WWOX: variants seen among roughly 807,000 people sequenced by gnomAD.
The protein encoded by WWOX is WW domain containing oxidoreductase.
Under a neutral mutation model 46.2 loss-of-function variants are expected in WWOX, and 69 were observed. The ratio of observed to expected loss-of-function variants is 1.49; its 90% CI spans 1.23 to 1.82. The LOEUF is 1.82. Ranked by LOEUF, WWOX falls within the 40% of genes most tolerant of loss-of-function variation. The pLI is 0.00. For synonymous variants in WWOX, 359 were observed against 202.6 expected, an observed-to-expected ratio of 1.77 and a Z score of -6.56; for missense variants, 919 against 542.6, an observed-to-expected ratio of 1.69 and a Z score of -6.89.
intron 8 of WWOX, among the ~76,000 whole-genome samples, chr16:79,146,656 G>C (rs908022255): frequency 2.0e-5 from 3 of 152,102 alleles, no homozygotes; most frequent in African/African-American, 7.2e-5. Context: ...TGAGAATTAA[G>C]GTTCATTCAC....
At chr16:78,424,849 A>G (rs1445732595) in intron 6 of WWOX, 21 bp from the exon 7 acceptor site, 14 of 1,613,698 alleles carry the variant, frequency 8.7e-6, no homozygotes, top group Admixed American at 3.3e-5. Context: ...TCCACATCAC[A>G]TGGGATATTT....
chr16:78,949,264 C>G (rs1433027426), intron 8 of WWOX, among the ~76,000 whole-genome samples: 1 of 152,106 alleles, frequency 6.6e-6, no homozygotes, highest in African/African-American at 2.4e-5. Flanking sequence ...CCACTCTTTG[C>G]CTGGGACTTC....
intron 8 of WWOX, among the ~76,000 whole-genome samples, chr16:78,843,521 C>G (rs4888865): frequency 6.7e-6 from 1 of 149,282 alleles, no homozygotes; most frequent in Non-Finnish European, 1.5e-5. Flanking sequence ...CCACAAATGA[C>G]ATGTTTTGAC....
chr16:78,719,274 G>C (rs1049130060), intron 8 of WWOX, among the ~76,000 whole-genome samples: 1 of 151,884 alleles, frequency 6.6e-6, no homozygotes, highest in East Asian at 1.9e-4. Context: ...GGTGACCATG[G>C]CTGAAGGGTT....
intron 8 of WWOX, among the ~76,000 whole-genome samples, chr16:79,182,689 C>T (rs1035265405): frequency 6.6e-6 from 1 of 152,180 alleles, no homozygotes; most frequent in East Asian, 1.9e-4. Context: ...AGTTATTAAC[C>T]TCTTTATGCC....
chr16:78,944,352 G>A (rs1049736676), intron 8 of WWOX, among the ~76,000 whole-genome samples: 1 of 152,122 alleles, frequency 6.6e-6, no homozygotes, highest in African/African-American at 2.4e-5. Context: ...TGAACTCCTT[G>A]AAGATAGGAG....
chr16:79,121,148 T>C (rs542844109), intron 8 of WWOX, among the ~76,000 whole-genome samples: 4 of 152,188 alleles, frequency 2.6e-5, no homozygotes, highest in East Asian at 3.9e-4. Flanking sequence ...TATCAAAAAA[T>C]GTTTACTCAC....
intron 8 of WWOX, among the ~76,000 whole-genome samples, chr16:78,970,081 C>T (rs572950172): frequency 6.6e-6 from 1 of 152,254 alleles, no homozygotes; most frequent in African/African-American, 2.4e-5. Context: ...TCAAATTTCC[C>T]AAGTGCCCTC....
At chr16:78,709,534 C>T (rs1410005760) in intron 8 of WWOX, among the ~76,000 whole-genome samples, 1 of 152,130 alleles carries the variant, frequency 6.6e-6, no homozygotes, top group Non-Finnish European at 1.5e-5. Context: ...TGCCTCTTCT[C>T]TTCATTAGAA....
intron 8 of WWOX, among the ~76,000 whole-genome samples, chr16:78,630,995 T>C (rs2151658804): frequency 6.6e-6 from 1 of 152,324 alleles, no homozygotes; most frequent in Non-Finnish European, 1.5e-5. Context: ...TTTGTCATTA[T>C]TCCTTAAACA....
rs1392352987 is a variant in WWOX, at chr16:78,818,294, C to G, written c.1056+385542C>G. Among the ~76,000 whole-genome samples, 6 of 152,304 alleles carry G rather than the reference C, an allele frequency of 3.9e-5. No individual in the cohort carries two copies. In the East Asian group the frequency reaches 5.8e-4, roughly 15 times the overall value. ...ATCTACTTTCCAGTGTGGACAAGTTCCAGCTCCTGCCCCAGCCCTGCCACA... is the reference window on the plus strand; with the variant it reads ...ATCTACTTTCCAGTGTGGACAAGTTGCAGCTCCTGCCCCAGCCCTGCCACA... On this transcript the variant is annotated intron_variant, in intron 8 of 8. Transcript: ENST00000566780.
chr16:78,668,900 T>G (rs1007025083), intron 8 of WWOX, among the ~76,000 whole-genome samples: 6 of 152,138 alleles, frequency 3.9e-5, no homozygotes, highest in Non-Finnish European at 1.5e-5. Context: ...TCATCGGGCC[T>G]CCACATAGGG....
At chr16:79,109,410 T>C (rs2049373795) in intron 8 of WWOX, among the ~76,000 whole-genome samples, 1 of 152,078 alleles carries the variant, frequency 6.6e-6, no homozygotes, top group Non-Finnish European at 1.5e-5. Flanking sequence ...CAAGTAGCGG[T>C]GATAGGTTTT....
intron 8 of WWOX, among the ~76,000 whole-genome samples, chr16:78,835,051 C>T (rs372933880): frequency 3.9e-4 from 60 of 152,070 alleles, no homozygotes; most frequent in Non-Finnish European, 5.4e-4. Context: ...GTTTGGAGGG[C>T]GTTAGTGTGC....
intron 8 of WWOX, among the ~76,000 whole-genome samples, chr16:79,000,369 A>G (rs1375188022): frequency 6.6e-6 from 1 of 152,194 alleles, no homozygotes; most frequent in Non-Finnish European, 1.5e-5. Flanking sequence ...CAGATGGGGA[A>G]TTAAGGTTGC....
intron 5 of WWOX, among the ~76,000 whole-genome samples, chr16:78,258,410 T>A (rs549930333): frequency 7.6e-4 from 116 of 152,294 alleles, no homozygotes; most frequent in African/African-American, 2.6e-3. Flanking sequence ...TGCATTGGTG[T>A]GAAAACTAAA....
chr16:78,879,964 A>G (rs765456513), intron 8 of WWOX, among the ~76,000 whole-genome samples: 4 of 152,134 alleles, frequency 2.6e-5, no homozygotes, highest in Non-Finnish European at 4.4e-5. Context: ...TAAGCCTCAC[A>G]TTTTTCTAAA....
chr16:78,504,551 C>G (rs952256180), intron 8 of WWOX, among the ~76,000 whole-genome samples: 9 of 152,238 alleles, frequency 5.9e-5, no homozygotes, highest in African/African-American at 2.2e-4. Context: ...AAATGCTCAA[C>G]AGACTGGCTC....
At chr16:78,266,848 C>G (rs2079376724) in intron 5 of WWOX, among the ~76,000 whole-genome samples, 2 of 150,068 alleles carry the variant, frequency 1.3e-5, no homozygotes, top group African/African-American at 4.9e-5. Context: ...CCCCCTCTCT[C>G]TCATAGTGAT....
Sources: allele counts gnomAD v4.1 joint callset (sites outside exome capture counted in the v4.1 genomes callset), GRCh38; gene constraint gnomAD v4.1.1; transcripts MANE v1.5; gene names NCBI Gene and HGNC (gene_info 2026-07-23, HGNC 2026-07-21).